NRF1: variants seen among roughly 807,000 people sequenced by gnomAD.
NRF1 encodes nuclear respiratory factor 1.
A neutral mutation model predicts 58.5 loss-of-function variants in NRF1; 5 were observed. The observed-to-expected ratio is 0.09, with a 90% CI of 0.04 to 0.18. The LOEUF is 0.18. Among genes scored for constraint, NRF1 ranks in the 10% least tolerant of loss-of-function variants. The pLI, the probability that NRF1 is intolerant of heterozygous loss-of-function variation, is 1.00. For missense variants in NRF1, 288 were observed against 657.7 expected, an observed-to-expected ratio of 0.44 and a Z score of 6.15; for synonymous variants, 224 against 246.7, an observed-to-expected ratio of 0.91 and a Z score of 0.86.
intron 10 of NRF1, among the ~76,000 whole-genome samples, chr7:129,735,940 G>A (rs192189777): frequency 7.2e-4 from 110 of 152,196 alleles, no homozygotes; most frequent in African/African-American, 2.4e-3. Context: ...CCTGGGAGGT[G>A]GAGCTTGCAG....
chr7:129,732,540 G>A (rs1803605025), intron 10 of NRF1, among the ~76,000 whole-genome samples: 1 of 152,190 alleles, frequency 6.6e-6, no homozygotes, highest in Non-Finnish European at 1.5e-5. Flanking sequence ...AGAAAAAAGA[G>A]AGGATGTAGC....
At chr7:129,631,300 G>A (rs2151061818) in intron 1 of NRF1, among the ~76,000 whole-genome samples, 1 of 151,480 alleles carries the variant, frequency 6.6e-6, no homozygotes, top group Non-Finnish European at 1.5e-5. Context: ...GCTCACTGTA[G>A]CCTTGATCTC....
chr7:129,671,550 G>T lies in NRF1; in HGVS notation c.338+7G>T. 7.0e-7 allele frequency: 1 copy of T among 1,434,608 alleles called. No individual in the cohort carries two copies. The highest frequency in any genetic ancestry group is 9.8e-7 in the Non-Finnish European group (1 of 1,016,144). The allele number at this position is 1,434,608 out of a possible 1,614,324, so 88.9% of individuals were successfully genotyped here. A position where few individuals can be genotyped will look rare whatever the true frequency, so the allele number is the denominator to read the frequency against. ...AACAAACACGTTTGCTTCGGTGAGG[G>T]CTCCCTTATCCATATTGTTACTATT... is the stretch of plus-strand genomic sequence containing the variant. On this transcript the variant is annotated splice_region_variant and intron_variant, in intron 3 of 10. Transcript: ENST00000393232.
intron 2 of NRF1, among the ~76,000 whole-genome samples, chr7:129,663,551 C>T (rs1396042946): frequency 6.7e-6 from 1 of 149,170 alleles, no homozygotes; most frequent in Non-Finnish European, 1.5e-5. Context: ...CAGAGGGCTG[C>T]TCACATCCCA....
chr7:129,677,996 G>A (rs11983488), intron 4 of NRF1, among the ~76,000 whole-genome samples: 3 of 151,628 alleles, frequency 2.0e-5, no homozygotes, highest in Admixed American at 2.0e-4. Flanking sequence ...CCGGGGGAAG[G>A]GGGGAGGGGG....
intron 10 of NRF1, among the ~76,000 whole-genome samples, chr7:129,731,489 T>C (rs1803578085): frequency 6.6e-6 from 1 of 152,202 alleles, no homozygotes. Flanking sequence ...GAGTCTTTGG[T>C]CTCTTAGGAT....
At chr7:129,709,025 C>T (rs779451239) in intron 5 of NRF1, 50 bp from the exon 6 acceptor site, 8 of 1,343,108 alleles carry the variant, frequency 6.0e-6, no homozygotes, top group Non-Finnish European at 7.8e-6. Flanking sequence ...GTCATAAACA[C>T]ACCCCAGATG....
intron 9 of NRF1, among the ~76,000 whole-genome samples, chr7:129,720,302 C>T (rs1803291530): frequency 6.6e-6 from 1 of 152,106 alleles, no homozygotes; most frequent in African/African-American, 2.4e-5. Flanking sequence ...ACAGAGGTAA[C>T]CCATGGTCTA....
chr7:129,629,811 A>G (rs1801009422), intron 1 of NRF1, among the ~76,000 whole-genome samples: 1 of 152,170 alleles, frequency 6.6e-6, no homozygotes, highest in Non-Finnish European at 1.5e-5. Context: ...AAGGTGAAAG[A>G]TATAATGGCT....
chr7:129,727,065 T>A (rs1803466240), intron 9 of NRF1, among the ~76,000 whole-genome samples, 176 bp from the exon 10 acceptor site: 1 of 152,272 alleles, frequency 6.6e-6, no homozygotes, highest in Admixed American at 6.5e-5. Context: ...GCCATTAATA[T>A]TATTTCAAAA....
At chr7:129,634,959 C>G (rs1428892388) in intron 1 of NRF1, among the ~76,000 whole-genome samples, 2 of 152,126 alleles carry the variant, frequency 1.3e-5, no homozygotes, top group Non-Finnish European at 2.9e-5. Flanking sequence ...TTTGCTTTCT[C>G]TTTTCTTTAT....
At chr7:129,713,358 G>A (rs748198648) in intron 8 of NRF1, among the ~76,000 whole-genome samples, 2 of 152,066 alleles carry the variant, frequency 1.3e-5, no homozygotes, top group Non-Finnish European at 2.9e-5. Flanking sequence ...CAAAGTGCTA[G>A]GATGATATAT....
chr7:129,614,467 A>G (rs1272254811), intron 1 of NRF1, among the ~76,000 whole-genome samples: 1 of 14,166 alleles, frequency 7.1e-5, no homozygotes, highest in African/African-American at 2.4e-4. Flanking sequence ...GTGTGTGTGT[A>G]CATACATATA....
chr7:129,687,555 C>T (rs1261013362), intron 4 of NRF1, among the ~76,000 whole-genome samples: 2 of 152,168 alleles, frequency 1.3e-5, no homozygotes, highest in South Asian at 2.1e-4. Context: ...GGATTACAGG[C>T]GTGAGCCACC....
chr7:129,633,117 A>G (rs1023582398), intron 1 of NRF1, among the ~76,000 whole-genome samples: 1 of 152,222 alleles, frequency 6.6e-6, no homozygotes, highest in Non-Finnish European at 1.5e-5. Context: ...TATACCAGAT[A>G]TTGATAGTCT....
chr7:129,695,737 A>C (rs1042518906), intron 5 of NRF1, among the ~76,000 whole-genome samples: 1 of 151,096 alleles, frequency 6.6e-6, no homozygotes, highest in Non-Finnish European at 1.5e-5. Context: ...CTAAAACATT[A>C]ACATAAAATA....
In NRF1 at chr7:129,755,881, G is replaced by A. The variant is rs2116337840; in HGVS notation, c.*700G>A. The A allele has an allele frequency of 6.5e-6, 1 of 152,816 alleles. No individual in the cohort carries two copies. Among genetic ancestry groups the A allele is most frequent in the Admixed American group, 6.5e-5 (1 of 15,288 alleles). 9.5% of individuals were successfully genotyped at this position (152,816 alleles called of 1,614,324 possible). A position where few individuals can be genotyped will look rare whatever the true frequency, so the allele number is the denominator to read the frequency against. On this transcript the variant is annotated 3_prime_UTR_variant, in exon 11 of 11. Coordinates refer to ENST00000393232, the MANE Select transcript of NRF1 (RefSeq NM_005011.5). The surrounding 1 kb of genome is among the most constrained non-coding windows in gnomAD (Gnocchi z 5.8). ...GTCTGCCAGCTGAGATGCTCCTCGG[G>A]CTGGCCCAGGTGCTGACCTTGCCAC...
intron 10 of NRF1, among the ~76,000 whole-genome samples, chr7:129,749,835 T>A (rs981041366): frequency 1.3e-5 from 2 of 152,044 alleles, no homozygotes; most frequent in African/African-American, 2.4e-5. Context: ...TTTTTTTTTT[T>A]AATAAAATTT....
At chr7:129,695,536 A>C (rs1764605381) in intron 5 of NRF1, among the ~76,000 whole-genome samples, 1 of 150,858 alleles carries the variant, frequency 6.6e-6, no homozygotes, top group South Asian at 2.1e-4. Context: ...AGATCATGCC[A>C]CTGCACTCCA....
Sources: allele counts gnomAD v4.1 joint callset (sites outside exome capture counted in the v4.1 genomes callset), GRCh38; gene constraint gnomAD v4.1.1; non-coding constraint Gnocchi (gnomAD v3.1); transcripts MANE v1.5; gene names NCBI Gene and HGNC (gene_info 2026-07-23, HGNC 2026-07-21).